Variants in SHISA6 observed in about 807,000 individuals in gnomAD.
SHISA6 encodes the protein shisa family member 6.
Under a neutral mutation model 47.9 loss-of-function variants are expected in SHISA6, and 22 were observed. The observed-to-expected ratio is 0.46, with a 90% CI of 0.33 to 0.66. SHISA6 has a LOEUF of 0.66. Among genes scored for constraint, SHISA6 ranks in the 30% least tolerant of loss-of-function variants. SHISA6 has a pLI of 0.02. For missense variants in SHISA6, 680 were observed against 764.6 expected (o/e 0.89, Z 1.30); for synonymous variants, 388 against 337.8 (o/e 1.15, Z -1.63).
intron 2 of SHISA6, among the ~76,000 whole-genome samples, chr17:11,277,264 TCTCTCTCTCTCTCTCTCACA>T (rs1218074393): frequency 7.4e-5 from 8 of 107,472 alleles, no homozygotes; most frequent in East Asian, 4.0e-4. Context: ...TCTCTCTCTC[TCTCTCTCTCTCTCTCTCACA>T]CACACACACA....
chr17:11,361,324 G>A (rs900625809), intron 2 of SHISA6, among the ~76,000 whole-genome samples: 1 of 152,022 alleles, frequency 6.6e-6, no homozygotes, highest in African/African-American at 2.4e-5. Flanking sequence ...AATATCTAAT[G>A]TGTGTACTAT....
chr17:11,396,397 A>T (rs974222040), intron 3 of SHISA6, among the ~76,000 whole-genome samples: 1 of 152,204 alleles, frequency 6.6e-6, no homozygotes, highest in Non-Finnish European at 1.5e-5. Context: ...TATTAAAAGA[A>T]TTAGGGTTGG....
intron 3 of SHISA6, among the ~76,000 whole-genome samples, chr17:11,425,870 G>A (rs562169635): frequency 1.1e-4 from 16 of 152,246 alleles, no homozygotes; most frequent in African/African-American, 3.6e-4. Flanking sequence ...TTCCCCTGCA[G>A]CCCCAGTGCA....
chr17:11,485,378 A>G (rs1916322088), intron 3 of SHISA6, among the ~76,000 whole-genome samples: 2 of 152,180 alleles, frequency 1.3e-5, no homozygotes, highest in Admixed American at 6.5e-5. Context: ...GAGGGCTAAC[A>G]CTGGGCAAAG....
intron 3 of SHISA6, among the ~76,000 whole-genome samples, chr17:11,402,509 G>A (rs1913811924): frequency 6.6e-6 from 1 of 152,152 alleles, no homozygotes; most frequent in African/African-American, 2.4e-5. Flanking sequence ...ATCAGCCTTT[G>A]TAAGGGAATA....
intron 3 of SHISA6, among the ~76,000 whole-genome samples, chr17:11,415,687 G>A (rs1914260404): frequency 6.6e-6 from 1 of 152,170 alleles, no homozygotes; most frequent in Non-Finnish European, 1.5e-5. Flanking sequence ...TACATTGATA[G>A]GTCGAGGCTT....
At chr17:11,277,574 C>T (rs564192936) in intron 2 of SHISA6, among the ~76,000 whole-genome samples, 6 of 152,210 alleles carry the variant, frequency 3.9e-5, no homozygotes, top group African/African-American at 9.6e-5. Flanking sequence ...TTATTTAATA[C>T]GTTATACAGA....
intron 3 of SHISA6, among the ~76,000 whole-genome samples, chr17:11,447,981 A>G (rs920228259): frequency 9.9e-5 from 15 of 152,094 alleles, no homozygotes; most frequent in Non-Finnish European, 2.1e-4. Context: ...TGTGCATTCC[A>G]CTTTGTAGAG....
At chr17:11,474,986 T>G (rs1017498333) in intron 3 of SHISA6, among the ~76,000 whole-genome samples, 15 of 152,178 alleles carry the variant, frequency 9.9e-5, no homozygotes, top group African/African-American at 3.6e-4. Flanking sequence ...CATGGAATAT[T>G]CCTCCATTTA....
chr17:11,267,839 G>T (rs1416958912), intron 2 of SHISA6, among the ~76,000 whole-genome samples: 4 of 152,154 alleles, frequency 2.6e-5, no homozygotes, highest in Admixed American at 1.3e-4. Flanking sequence ...GCTTTGAAAG[G>T]AGACCCCTGG....
intron 2 of SHISA6, among the ~76,000 whole-genome samples, chr17:11,320,475 T>C (rs561573985): frequency 6.6e-6 from 1 of 152,136 alleles, no homozygotes; most frequent in South Asian, 2.1e-4. Context: ...CTGGCTAACA[T>C]GGTGAAATCC....
chr17:11,423,113 A>G (rs1914495136), intron 3 of SHISA6, among the ~76,000 whole-genome samples: 1 of 151,810 alleles, frequency 6.6e-6, no homozygotes, highest in Non-Finnish European at 1.5e-5. Flanking sequence ...GATTTTATTT[A>G]TCTCCCATAT....
intron 4 of SHISA6, among the ~76,000 whole-genome samples, chr17:11,555,428 A>G (rs1233761153): frequency 6.6e-6 from 1 of 152,108 alleles, no homozygotes; most frequent in African/African-American, 2.4e-5. Context: ...CCTCAGCTCC[A>G]TCAGGCTTAC....
Position 11,438,235 on chromosome 17 carries a change from G to A in SHISA6, c.895+58726G>A, listed in dbSNP as rs777790099. ...TTATTTTCACAAACTAAACTATTTC[G>A]ACCATGTTTGCATCCTCACTTTTAT... On this transcript the variant is annotated intron_variant, in intron 3 of 5. Transcript: ENST00000441885. Among the ~76,000 whole-genome samples the A allele has an allele frequency of 2.0e-5, 3 of 151,918 alleles. No homozygotes were observed. In the South Asian group the frequency reaches 6.2e-4, roughly 32 times the overall value.
intron 2 of SHISA6, among the ~76,000 whole-genome samples, chr17:11,305,457 C>T (rs746780867): frequency 6.6e-6 from 1 of 152,186 alleles, no homozygotes; most frequent in Middle Eastern, 3.2e-3. Context: ...CCTGAAATGG[C>T]GGGAGAAGGG....
chr17:11,338,354 C>T (rs1389152946), intron 2 of SHISA6, among the ~76,000 whole-genome samples: 1 of 152,146 alleles, frequency 6.6e-6, no homozygotes, highest in Non-Finnish European at 1.5e-5. Flanking sequence ...AGAGCCACAT[C>T]CTGCTAAGCA....
chr17:11,392,144 T>G (rs1379728692), intron 3 of SHISA6, among the ~76,000 whole-genome samples: 1 of 152,242 alleles, frequency 6.6e-6, no homozygotes, highest in Non-Finnish European at 1.5e-5. Flanking sequence ...ACTCTTGTTC[T>G]CTTCATCTGC....
At chr17:11,518,482 C>T (rs1350263197) in intron 3 of SHISA6, among the ~76,000 whole-genome samples, 2 of 152,172 alleles carry the variant, frequency 1.3e-5, no homozygotes, top group Non-Finnish European at 2.9e-5. Flanking sequence ...CACATACACA[C>T]ATACACACAC....
At chr17:11,357,204 A>AT (rs1466388750) in intron 2 of SHISA6, among the ~76,000 whole-genome samples, 6 of 151,080 alleles carry the variant, frequency 4.0e-5, no homozygotes, top group Admixed American at 4.0e-4. Flanking sequence ...AAAAAAAAAA[A>AT]AAAATGAAGA....
Sources: gnomAD v4.1 joint callset for allele counts (sites outside exome capture counted in the v4.1 genomes callset) on GRCh38, gnomAD v4.1.1 for gene constraint, MANE v1.5 for transcripts, NCBI Gene and HGNC (gene_info 2026-07-23, HGNC 2026-07-21) for gene names.